Variants in KDM1B observed in about 807,000 individuals in gnomAD.
KDM1B encodes the protein lysine-specific histone demethylase 2.
A neutral mutation model predicts 107.4 loss-of-function variants in KDM1B; 63 were observed. That is an observed-to-expected ratio of 0.59 (90% CI 0.48 to 0.72). KDM1B has a LOEUF of 0.72. Among genes scored for constraint, KDM1B ranks in the 30% least tolerant of loss-of-function variants. The pLI is 0.00. For synonymous variants in KDM1B, 363 were observed against 363.9 expected (o/e 1.00, Z 0.03); for missense variants, 749 against 1,020.8 (o/e 0.73, Z 3.63).
chr6:18,207,771 C>T (rs569627530), intron 16 of KDM1B, among the ~76,000 whole-genome samples: 6 of 152,310 alleles, frequency 3.9e-5, no homozygotes, highest in East Asian at 3.9e-4. Context: ...CAAATTGCTT[C>T]GCAACTTTCC....
Position 18,188,042 on chromosome 6 carries a change from G to A in KDM1B, c.784+40G>A, listed in dbSNP as rs190886897. 1,015 of 1,509,074 alleles carry A rather than the reference G, an allele frequency of 6.7e-4. 5 individuals carry two copies. Among genetic ancestry groups the A allele is most frequent in the South Asian group, 3.9e-3 (327 of 83,180 alleles). 93.5% of individuals were successfully genotyped at this position (1,509,074 alleles called of 1,614,324 possible). A position where few individuals can be genotyped will look rare whatever the true frequency, so the allele number is the denominator to read the frequency against. On this transcript the variant is annotated intron_variant, in intron 9 of 21. Transcript: ENST00000650836. ...TGGGACTCCCTGCTTTCTATTCCCC[G>A]CTCCCCTCCCTGAGGAACGTGTGAG...
intron 5 of KDM1B, among the ~76,000 whole-genome samples, chr6:18,164,287 C>A (rs1299118421): frequency 6.6e-6 from 1 of 152,052 alleles, no homozygotes; most frequent in East Asian, 1.9e-4. Flanking sequence ...ACTACCGCAC[C>A]TGGCTGATTT....
In KDM1B at chr6:18,162,601, A is replaced by T. The variant is rs1353203594; in HGVS notation, c.216-234A>T. Among the ~76,000 whole-genome samples the T allele has an allele frequency of 1.3e-5, 2 of 152,092 alleles. No homozygotes were observed. The highest frequency in any genetic ancestry group is 4.8e-5 in the African/African-American group (2 of 41,412). On this transcript the variant is annotated intron_variant, in intron 4 of 21. Coordinates refer to ENST00000650836, the MANE Select transcript of KDM1B (RefSeq NM_001364614.2). This position sits in a 1 kb window ranked among gnomAD's most constrained non-coding sequence, Gnocchi z 4.1. ...TATCATTGCCCCAAGGAGTCTTCTT[A>T]AGACTGCTAAGCCCCAGGCAGCCAG...
chr6:18,188,305 G>A (rs1021898827), intron 9 of KDM1B, among the ~76,000 whole-genome samples: 3 of 152,188 alleles, frequency 2.0e-5, no homozygotes, highest in African/African-American at 4.8e-5. Flanking sequence ...GGAAATGGTT[G>A]TACTGTGGAT....
At chr6:18,216,565 C>G (rs556347615) in intron 20 of KDM1B, among the ~76,000 whole-genome samples, 33 of 152,258 alleles carry the variant, frequency 2.2e-4, no homozygotes, top group Non-Finnish European at 4.3e-4. Flanking sequence ...CTCTCTTACT[C>G]GAGGCTTTGC....
rs1022216468 is a variant in KDM1B at position 18,203,730 on chromosome 6, G to A, written c.1532-1807G>A. 6.6e-6 allele frequency among the ~76,000 whole-genome samples: 1 copy of A among 151,838 alleles called. No homozygotes were observed. Among genetic ancestry groups the A allele is most frequent in the Non-Finnish European group, 1.5e-5 (1 of 67,978 alleles). On this transcript the variant is annotated intron_variant, in intron 14 of 21. Coordinates refer to ENST00000650836, the MANE Select transcript of KDM1B (RefSeq NM_001364614.2). The surrounding 1 kb of genome is among the most constrained non-coding windows in gnomAD (Gnocchi z 5.5). ...TAGTCGAGCATGGTGGTGCATGCCT[G>A]TAATCCCAGGTATTTGGGATGCTGA...
At chr6:18,161,295 T>C (rs1325393219) in intron 3 of KDM1B, 32 bp from the exon 4 acceptor site, 6 of 1,610,368 alleles carry the variant, frequency 3.7e-6, no homozygotes, top group Middle Eastern at 3.3e-4. Context: ...CCATCATCAG[T>C]GAAATTTTAA....
chr6:18,196,558 T>C (rs1787666983), intron 10 of KDM1B, among the ~76,000 whole-genome samples: 1 of 152,158 alleles, frequency 6.6e-6, no homozygotes, highest in Admixed American at 6.5e-5. Context: ...TGCATTTCCT[T>C]GATGATTAGT....
intron 6 of KDM1B, among the ~76,000 whole-genome samples, chr6:18,167,390 T>C (rs1286577580): frequency 6.6e-6 from 1 of 152,110 alleles, no homozygotes; most frequent in Admixed American, 6.6e-5. Flanking sequence ...TGACCTCATA[T>C]TCTTTTTTCA....
rs75222134 is a variant in KDM1B, at chr6:18,161,710, A to G, written c.215+256A>G. Among the ~76,000 whole-genome samples, 807 of 152,162 alleles carry G rather than the reference A, an allele frequency of 5.3e-3. 7 individuals are homozygous for G. Among genetic ancestry groups the G allele is most frequent in the African/African-American group, 0.018 (759 of 41,514 alleles). ...ACAGTGTCCTCAAATCCAGCCAACC[A>G]TATCTACCTCTCCAAGGGTTGAGGG... On this transcript the variant is annotated intron_variant, in intron 4 of 21. Coordinates refer to ENST00000650836, the MANE Select transcript of KDM1B (RefSeq NM_001364614.2).
Position 18,222,830 on chromosome 6 carries a change from C to G in KDM1B, c.*838C>G, listed in dbSNP as rs1789865188. ...AAAAAACTTGTCAGAATAATTTAAC[C>G]AAGCCCCTCTCCACTTCTTTTATTT... On this transcript the variant is annotated 3_prime_UTR_variant, in exon 22 of 22. Transcript: ENST00000650836. The G allele has an allele frequency of 6.6e-6, 1 of 152,570 alleles. No homozygotes were observed. The highest frequency in any genetic ancestry group is 2.1e-4 in the South Asian group (1 of 4,828). 9.5% of individuals were successfully genotyped at this position (152,570 alleles called of 1,614,324 possible). A position where few individuals can be genotyped will look rare whatever the true frequency, so the allele number is the denominator to read the frequency against.
At position 18,214,664 on chromosome 6, in the gene KDM1B, C is replaced by T. The variant is rs1789087620; in HGVS notation, c.2110-343C>T. Among the ~76,000 whole-genome samples the T allele has an allele frequency of 6.6e-6, 1 of 152,144 alleles. No homozygotes were observed. Among genetic ancestry groups the T allele is most frequent in the Non-Finnish European group, 1.5e-5 (1 of 68,030 alleles). On this transcript the variant is annotated intron_variant, in intron 19 of 21. Transcript: ENST00000650836. This position sits in a 1 kb window ranked among gnomAD's most constrained non-coding sequence, Gnocchi z 4.4. ...GTGGCTCACGCCTGTAATCCCAGCA[C>T]TTTGGGAGGCCGAGGTGGGTGGATC...
chr6:18,184,624 G>C (rs898033341), intron 7 of KDM1B, among the ~76,000 whole-genome samples: 1 of 150,632 alleles, frequency 6.6e-6, no homozygotes, highest in Non-Finnish European at 1.5e-5. Context: ...ATGTTGTAAT[G>C]TGTAGTCATA....
At chr6:18,193,813 C>T (rs956795675) in intron 10 of KDM1B, among the ~76,000 whole-genome samples, 1 of 151,470 alleles carries the variant, frequency 6.6e-6, no homozygotes, top group Non-Finnish European at 1.5e-5. Flanking sequence ...GGCATCATTA[C>T]TCTTGAGTCT....
chr6:18,204,199 A>G lies in KDM1B; in HGVS notation c.1532-1338A>G, dbSNP rs942279174. Among the ~76,000 whole-genome samples, 1 of 152,124 alleles carries G rather than the reference A, an allele frequency of 6.6e-6. No homozygotes were observed. The highest frequency in any genetic ancestry group is 6.6e-5 in the Admixed American group (1 of 15,266). On this transcript the variant is annotated intron_variant, in intron 14 of 21. Transcript: ENST00000650836. This position sits in a 1 kb window ranked among gnomAD's most constrained non-coding sequence, Gnocchi z 4.9. ...CTGCTTCTAGTCAGAGAAGTGTGTG[A>G]CACTCTGTTAAACTTGGGATTACAC...
intron 9 of KDM1B, among the ~76,000 whole-genome samples, chr6:18,189,833 T>G (rs1446519412): frequency 3.9e-5 from 6 of 152,154 alleles, no homozygotes; most frequent in Non-Finnish European, 8.8e-5. Flanking sequence ...ATTCATTTTA[T>G]AGTCAGAAAA....
rs774459443 is a variant in KDM1B at position 18,195,733 on chromosome 6, C to CA, written c.970-1309dup. Among the ~76,000 whole-genome samples, 721 of 107,792 alleles carry CA rather than the reference C, an allele frequency of 6.7e-3. 13 individuals carry two copies. Among genetic ancestry groups the CA allele is most frequent in the East Asian group, 0.036 (135 of 3,714 alleles). The allele number at this position is 107,792 out of a possible 152,430, so 70.7% of individuals were successfully genotyped here. ...CTGGTGACAGAGTGAAACTCCATAT[C>CA]AAAAAAAAAAAAAAAGAGAAAGAAA... is the stretch of plus-strand genomic sequence containing the variant. On this transcript the variant is annotated intron_variant, in intron 10 of 21. Coordinates refer to ENST00000650836, the MANE Select transcript of KDM1B (RefSeq NM_001364614.2).
chr6:18,188,780 A>ATT (rs55767862), intron 9 of KDM1B, among the ~76,000 whole-genome samples: 98 of 139,408 alleles, frequency 7.0e-4, no homozygotes, highest in Admixed American at 6.5e-4. Context: ...CAGCTGGTTA[A>ATT]TTTTTTTTTT....
chr6:18,201,551 T>G lies in KDM1B; in HGVS notation c.1425T>G (p.Thr475=). 1 of 1,550,302 alleles carries G rather than the reference T, an allele frequency of 6.5e-7. No homozygotes were observed. Among genetic ancestry groups the G allele is most frequent in the African/African-American group, 1.4e-5 (1 of 73,158 alleles). Residue 475 remains threonine (T), a synonymous_variant, in exon 14 of 22, where the codon ACT becomes ACG. Transcript: ENST00000650836. The surrounding 1 kb of genome is among the most constrained non-coding windows in gnomAD (Gnocchi z 4.3). ...TAATTCAGGAAGGTGGAAGAATAAC[T>G]GACCCCACTATTGACAAGCGCATGG... ...CDLIQEGGRI[T]DPTIDKRMDF...
Sources: allele counts gnomAD v4.1 joint callset (sites outside exome capture counted in the v4.1 genomes callset), GRCh38; gene constraint gnomAD v4.1.1; non-coding constraint Gnocchi (gnomAD v3.1); transcripts MANE v1.5; gene names NCBI Gene and HGNC (gene_info 2026-07-23, HGNC 2026-07-21).